The following PLEKHB2 variants were observed in gnomAD, a reference collection of about 807,000 sequenced individuals.
PLEKHB2 encodes pleckstrin homology domain-containing family B member 2.
Under a neutral mutation model 36.5 loss-of-function variants are expected in PLEKHB2, and 31 were observed. That is an observed-to-expected ratio of 0.85 (90% confidence interval 0.64 to 1.15). PLEKHB2 has a LOEUF of 1.15. Ranked by LOEUF, PLEKHB2 falls within the 50% of genes most tolerant of loss-of-function variation. The pLI is 0.00. For synonymous variants in PLEKHB2, 119 were observed against 112.0 expected (o/e 1.06, Z -0.39); for missense variants, 262 against 295.3 (o/e 0.89, Z 0.83).
rs370696877 is a variant in PLEKHB2, at chr2:131,140,284, C to A, written c.532+9C>A. On this transcript the variant is annotated intron_variant, in intron 7 of 7. Coordinates refer to ENST00000693505, the MANE Select transcript of PLEKHB2 (RefSeq NM_001100623.2). ...CCAGTACCCATATGCAGGTAACTCACGCCGGCCTTTCATTCCTCATTTCTC... is the reference window on the plus strand; with the variant it reads ...CCAGTACCCATATGCAGGTAACTCAAGCCGGCCTTTCATTCCTCATTTCTC... The A allele has an allele frequency of 4.8e-6, 7 of 1,459,870 alleles. No individual in the cohort carries two copies. Among genetic ancestry groups the A allele is most frequent in the South Asian group, 4.6e-5 (4 of 86,624 alleles). The allele number at this position is 1,459,870 out of a possible 1,614,324, so 90.4% of individuals were successfully genotyped here.
chr2:131,123,766 A>ACCACCCCCCC (rs1696781973), intron 2 of PLEKHB2, among the ~76,000 whole-genome samples: 1 of 11,530 alleles, frequency 8.7e-5, no homozygotes, highest in African/African-American at 3.2e-4. Context: ...CTCCTGGTCC[A>ACCACCCCCCC]CCCCCCCCAC....
chr2:131,116,890 C>A lies in PLEKHB2; in HGVS notation c.-8-4044C>A, dbSNP rs1207034107. 3.3e-5 allele frequency among the ~76,000 whole-genome samples: 5 copies of A among 152,092 alleles called. 1 individual carries two copies. The highest frequency in any genetic ancestry group is 2.6e-4 in the Admixed American group (4 of 15,258). ...CCTGTAATCCCAGCACTTTGGGATG[C>A]CAAAGCAGGCAGATCACTTGAGGTC... On this transcript the variant is annotated intron_variant, in intron 1 of 7. Coordinates refer to ENST00000693505, the MANE Select transcript of PLEKHB2 (RefSeq NM_001100623.2).
At chr2:131,113,821 T>C (rs1374575612) in intron 1 of PLEKHB2, among the ~76,000 whole-genome samples, 5 of 152,172 alleles carry the variant, frequency 3.3e-5, no homozygotes, top group Non-Finnish European at 7.3e-5. Context: ...AGGCATCATC[T>C]TCAGGATCAG....
chr2:131,142,583 T>G (rs923266081), intron 7 of PLEKHB2, among the ~76,000 whole-genome samples: 2 of 151,908 alleles, frequency 1.3e-5, no homozygotes, highest in Non-Finnish European at 2.9e-5. Flanking sequence ...TTTCTTTTTT[T>G]TTTTTGAGAT....
intron 1 of PLEKHB2, chr2:131,118,911 A>T (rs1320861469): frequency 6.7e-6 from 1 of 150,152 alleles, no homozygotes; most frequent in South Asian, 2.1e-4. Flanking sequence ...TAAAGCAGAA[A>T]ACAAAAGTGG....
At chr2:131,122,949 C>T (rs1256157654) in intron 2 of PLEKHB2, among the ~76,000 whole-genome samples, 3 of 152,148 alleles carry the variant, frequency 2.0e-5, no homozygotes, top group Non-Finnish European at 4.4e-5. Context: ...CCTCCTTTGG[C>T]CCTTTGGATG....
At position 131,148,899 on chromosome 2, in the gene PLEKHB2, A is replaced by C. The variant is rs531649446; in HGVS notation, c.*2126A>C. The C allele has an allele frequency of 6.6e-6, 1 of 152,348 alleles. No individual in the cohort carries two copies. Among genetic ancestry groups the C allele is most frequent in the South Asian group, 2.1e-4 (1 of 4,830 alleles). 9.4% of individuals were successfully genotyped at this position (152,348 alleles called of 1,614,324 possible). On this transcript the variant is annotated 3_prime_UTR_variant, in exon 8 of 8. Coordinates refer to ENST00000693505, the MANE Select transcript of PLEKHB2 (RefSeq NM_001100623.2). The stretch of plus-strand genomic sequence containing the variant: ...ACTTAAAAACTATTAACAGTTTTTC[A>C]TGTTGCACTGGTGGTAATTTTGAAC...
At chr2:131,126,031 G>A (rs1697068310) in intron 3 of PLEKHB2, 126 bp downstream of exon 3, 2 of 933,606 alleles carry the variant, frequency 2.1e-6, no homozygotes, top group African/African-American at 1.7e-5. Context: ...TCTCAGAGGG[G>A]CGACCACAGT....
intron 1 of PLEKHB2, among the ~76,000 whole-genome samples, chr2:131,111,011 A>AT (rs930537136): frequency 1.9e-3 from 279 of 148,798 alleles, no homozygotes; most frequent in Non-Finnish European, 3.0e-3. Flanking sequence ...TATAAGCAGA[A>AT]TTTTTTTTTT....
intron 2 of PLEKHB2, 71 bp from the exon 3 acceptor site, chr2:131,125,682 T>C: frequency 7.3e-7 from 1 of 1,364,964 alleles, no homozygotes; most frequent in Non-Finnish European, 1.0e-6. Flanking sequence ...AGCCACTGCA[T>C]TCCAACTTGG....
intron 7 of PLEKHB2, among the ~76,000 whole-genome samples, chr2:131,141,639 C>CAAAAA (rs771541896): frequency 3.5e-5 from 2 of 57,126 alleles, no homozygotes; most frequent in African/African-American, 4.9e-5. Flanking sequence ...GACTCCGTCT[C>CAAAAA]AAAAAAAAAA....
intron 4 of PLEKHB2, among the ~76,000 whole-genome samples, chr2:131,129,324 C>CAAAAA (rs1168039416): frequency 2.8e-4 from 14 of 49,982 alleles, no homozygotes; most frequent in East Asian, 7.7e-4. Context: ...GACTCCATCT[C>CAAAAA]AAAAAAAAAA....
chr2:131,136,636 T>A (rs568552629), intron 6 of PLEKHB2, among the ~76,000 whole-genome samples: 1 of 151,902 alleles, frequency 6.6e-6, no homozygotes, highest in East Asian at 1.9e-4. Flanking sequence ...GTATGATTCT[T>A]TTTATTTATT....
At chr2:131,136,149 T>TGCCCGGCCTCTTTTTACTTTTTTTGG (rs1559096643) in intron 6 of PLEKHB2, among the ~76,000 whole-genome samples, 2 of 148,042 alleles carry the variant, frequency 1.4e-5, no homozygotes, top group African/African-American at 5.2e-5. Flanking sequence ...TGCCTGCCTG[T>TGCCCGGCCTCTTTTTACTTTTTTTGG]CTTCCTGCCT....
At chr2:131,114,077 C>T (rs764556281) in intron 1 of PLEKHB2, among the ~76,000 whole-genome samples, 3 of 151,732 alleles carry the variant, frequency 2.0e-5, no homozygotes, top group South Asian at 4.2e-4. Context: ...TGTTGTGTCT[C>T]GTCTGCTTTT....
intron 7 of PLEKHB2, chr2:131,144,404 G>A: frequency 8.2e-7 from 1 of 1,225,500 alleles, no homozygotes; most frequent in East Asian, 3.2e-5. Context: ...TTTCTGTCTT[G>A]TAGAGACCAT....
intron 1 of PLEKHB2, among the ~76,000 whole-genome samples, chr2:131,113,854 T>C (rs1188668476): frequency 6.6e-6 from 1 of 152,138 alleles, no homozygotes; most frequent in Non-Finnish European, 1.5e-5. Flanking sequence ...TCTGCTTGGG[T>C]AGGGTGCCTA....
intron 6 of PLEKHB2, among the ~76,000 whole-genome samples, 200 bp downstream of exon 6, chr2:131,133,191 A>T (rs1697894084): frequency 6.6e-6 from 1 of 152,222 alleles, no homozygotes; most frequent in Non-Finnish European, 1.5e-5. Context: ...GTGCTGTATT[A>T]ATGTGTAACA....
At chr2:131,141,834 CAA>C (rs540136616) in intron 7 of PLEKHB2, among the ~76,000 whole-genome samples, 62 of 152,258 alleles carry the variant, frequency 4.1e-4, no homozygotes, top group African/African-American at 1.4e-3. Flanking sequence ...TTGGTATAAA[CAA>C]GAGTTAAGTT....
Sources: allele counts gnomAD v4.1 joint callset (sites outside exome capture counted in the v4.1 genomes callset), GRCh38; gene constraint gnomAD v4.1.1; transcripts MANE v1.5; gene names NCBI Gene and HGNC (gene_info 2026-07-23, HGNC 2026-07-21).